ASPH: variants seen among roughly 807,000 people sequenced by gnomAD.
ASPH encodes aspartyl/asparaginyl beta-hydroxylase.
A neutral mutation model predicts 118.4 loss-of-function variants in ASPH; 100 were observed. The observed-to-expected ratio is 0.84, with a 90% CI of 0.72 to 1.00. ASPH has a LOEUF of 1.00. Among genes scored for constraint, ASPH ranks in the 50% least tolerant of loss-of-function variants. The probability of loss-of-function intolerance (pLI) is 0.00; values close to 1 mark genes in which losing one functional copy is unlikely to be tolerated. For missense variants in ASPH, 920 were observed against 919.5 expected (o/e 1.00, Z -0.01); for synonymous variants, 315 against 325.6 (o/e 0.97, Z 0.35).
At chr8:61,683,699 G>C (rs1173903876) in intron 2 of ASPH, 1 of 170,106 alleles carries the variant, frequency 5.9e-6, no homozygotes, top group African/African-American at 2.4e-5. Flanking sequence ...AATGGCTCAT[G>C]ATCAAGTATT....
At chr8:61,652,395 G>C (rs1291031562) in intron 4 of ASPH, among the ~76,000 whole-genome samples, 1 of 152,190 alleles carries the variant, frequency 6.6e-6, no homozygotes, top group Non-Finnish European at 1.5e-5. Context: ...CACTTCTCCA[G>C]AATCATCTGC....
intron 13 of ASPH, among the ~76,000 whole-genome samples, chr8:61,628,910 C>T (rs376776446): frequency 1.7e-4 from 26 of 152,268 alleles, no homozygotes; most frequent in East Asian, 1.2e-3. Context: ...TCAATAACAA[C>T]AATATATATA....
chr8:61,686,292 T>A lies in ASPH; in HGVS notation c.104-2104A>T, dbSNP rs913521932. 2.6e-5 allele frequency among the ~76,000 whole-genome samples: 4 copies of A among 152,196 alleles called. No individual in the cohort carries two copies. In the East Asian group the frequency reaches 7.7e-4, roughly 29 times the overall value. Reference sequence around the variant, plus strand: ...AGATTAAATCAACTTCAAATAGGTATCATTACCTGAAACACAGCCATAGCA... The same window carrying A: ...AGATTAAATCAACTTCAAATAGGTAACATTACCTGAAACACAGCCATAGCA... On this transcript the variant is annotated intron_variant, in intron 1 of 24. Coordinates refer to ENST00000379454, the MANE Select transcript of ASPH (RefSeq NM_004318.4).
intron 3 of ASPH, chr8:61,663,035 A>G: frequency 2.0e-6 from 2 of 985,444 alleles, no homozygotes; most frequent in Non-Finnish European, 2.4e-6. Flanking sequence ...GAGAACAAAA[A>G]ATCTTTAGTG....
intron 14 of ASPH, among the ~76,000 whole-genome samples, chr8:61,613,586 T>C (rs1848128007): frequency 6.6e-6 from 1 of 152,146 alleles, no homozygotes; most frequent in African/African-American, 2.4e-5. Flanking sequence ...ACAAGGCATC[T>C]TGGGAACAAA....
At chr8:61,546,114 T>A (rs895387744) in intron 21 of ASPH, among the ~76,000 whole-genome samples, 2 of 152,104 alleles carry the variant, frequency 1.3e-5, no homozygotes, top group Non-Finnish European at 2.9e-5. Flanking sequence ...AGCTCAGCAA[T>A]GTCACTCTCT....
chr8:61,649,510 A>C (rs574988001), intron 5 of ASPH, among the ~76,000 whole-genome samples: 1 of 152,306 alleles, frequency 6.6e-6, no homozygotes, highest in East Asian at 1.9e-4. Flanking sequence ...TTTAAAAGTT[A>C]TCAACATACA....
At chr8:61,669,436 T>C (rs1050761052) in intron 3 of ASPH, among the ~76,000 whole-genome samples, 3 of 152,198 alleles carry the variant, frequency 2.0e-5, no homozygotes, top group Non-Finnish European at 4.4e-5. Flanking sequence ...TGTCCACTTA[T>C]ATGAAATACA....
In ASPH at chr8:61,503,241, C is replaced by T. The variant is rs10087488; in HGVS notation, c.*118G>A. 1,447 of 1,238,094 alleles carry T rather than the reference C, an allele frequency of 1.2e-3. 21 individuals are homozygous for T. The African/African-American group carries it at 0.02, about 17-fold the overall frequency. 76.7% of individuals were successfully genotyped at this position (1,238,094 alleles called of 1,614,324 possible). A position where few individuals can be genotyped will look rare whatever the true frequency, so the allele number is the denominator to read the frequency against. ...CCCTAGGAGGAGGCTTTGAATTACTCGGGCTGCAAGTCAAGGGAATTGACT... is the reference window on the plus strand; with the variant it reads ...CCCTAGGAGGAGGCTTTGAATTACTTGGGCTGCAAGTCAAGGGAATTGACT... On this transcript the variant is annotated 3_prime_UTR_variant, in exon 25 of 25. Transcript: ENST00000379454.
At chr8:61,543,913 C>T (rs1822867802) in intron 21 of ASPH, among the ~76,000 whole-genome samples, 1 of 152,106 alleles carries the variant, frequency 6.6e-6, no homozygotes, top group Admixed American at 6.5e-5. Context: ...AAAATACCTG[C>T]CAATAATTGT....
intron 24 of ASPH, among the ~76,000 whole-genome samples, chr8:61,513,171 A>G (rs1399832949): frequency 3.9e-5 from 6 of 152,232 alleles, no homozygotes; most frequent in Non-Finnish European, 7.3e-5. Context: ...AAGTTGAGAC[A>G]GTCTGAAAAA....
chr8:61,712,921 C>G (rs1838392243), intron 1 of ASPH, among the ~76,000 whole-genome samples: 1 of 152,204 alleles, frequency 6.6e-6, no homozygotes. Flanking sequence ...GCTTTCTCTG[C>G]TTAGTGCCCT....
At chr8:61,680,733 C>G in intron 3 of ASPH, 1 of 297,042 alleles carries the variant, frequency 3.4e-6, no homozygotes, top group Non-Finnish European at 6.2e-6. Context: ...AATTATTATA[C>G]TTATCAAAAG....
At chr8:61,658,230 A>G (rs1475430124) in intron 3 of ASPH, 1 of 152,174 alleles carries the variant, frequency 6.6e-6, no homozygotes, top group Non-Finnish European at 1.5e-5. Flanking sequence ...AAATTCTGAG[A>G]CTACCAGGTA....
chr8:61,620,544 TTAAC>T (rs983128683), intron 13 of ASPH, among the ~76,000 whole-genome samples: 4 of 152,264 alleles, frequency 2.6e-5, no homozygotes, highest in Middle Eastern at 3.4e-3. Flanking sequence ...TCCGATCTCT[TTAAC>T]TATAGCCTCC....
At chr8:61,586,879 G>C (rs1270062704) in intron 14 of ASPH, among the ~76,000 whole-genome samples, 1 of 152,182 alleles carries the variant, frequency 6.6e-6, no homozygotes, top group African/African-American at 2.4e-5. Flanking sequence ...TCAAGAGCAT[G>C]CACACTGAGC....
At position 61,643,323 on chromosome 8, in the gene ASPH, A is replaced by C. The variant is rs1806189367; in HGVS notation, c.757+63T>G. 3 of 1,500,984 alleles carry C rather than the reference A, an allele frequency of 2.0e-6. No homozygotes were observed. The East Asian group carries it at 6.8e-5, about 34-fold the overall frequency. 93.0% of individuals were successfully genotyped at this position (1,500,984 alleles called of 1,614,324 possible). A position where few individuals can be genotyped will look rare whatever the true frequency, so the allele number is the denominator to read the frequency against. ...TTAAAAGAAAAATCACCATGTAAACACAGCATGTGATTGAAAAATCTAAGG... is the reference window on the plus strand; with the variant it reads ...TTAAAAGAAAAATCACCATGTAAACCCAGCATGTGATTGAAAAATCTAAGG... On this transcript the variant is annotated intron_variant, in intron 9 of 24. Transcript: ENST00000379454.
At chr8:61,550,617 A>C (rs977334564) in intron 20 of ASPH, among the ~76,000 whole-genome samples, 3 of 152,228 alleles carry the variant, frequency 2.0e-5, no homozygotes, top group African/African-American at 7.2e-5. Flanking sequence ...CCCACTGTCC[A>C]GTGAGGCCTG....
chr8:61,541,791 A>C (rs1292689019), intron 21 of ASPH, among the ~76,000 whole-genome samples: 1 of 152,238 alleles, frequency 6.6e-6, no homozygotes, highest in Non-Finnish European at 1.5e-5. Flanking sequence ...ATGCACTGAG[A>C]ATTCTATGAT....
Sources: allele counts gnomAD v4.1 joint callset (sites outside exome capture counted in the v4.1 genomes callset), GRCh38; gene constraint gnomAD v4.1.1; transcripts MANE v1.5; gene names NCBI Gene and HGNC (gene_info 2026-07-23, HGNC 2026-07-21).